Variants in GTF3C1 observed in about 807,000 individuals in gnomAD.
GTF3C1 encodes the protein general transcription factor IIIC subunit 1, also known as general transcription factor 3C polypeptide 1.
A neutral mutation model predicts 226.7 loss-of-function variants in GTF3C1; 57 were observed. The observed-to-expected ratio is 0.25, with a 90% CI of 0.20 to 0.31. GTF3C1 has a LOEUF of 0.31. Ranked by LOEUF, GTF3C1 falls within the 10% of genes least tolerant of loss-of-function variation. GTF3C1 has a pLI of 1.00. For missense variants in GTF3C1, 2,217 were observed against 2,776.1 expected (o/e 0.80, Z 4.53); for synonymous variants, 1,090 against 1,084.8 (o/e 1.00, Z -0.09).
Position 27,465,807 on chromosome 16 carries a change from A to G in GTF3C1, c.5075-267T>C, listed in dbSNP as rs541228347. ...ACTGTGATTCTCCTGCTCAAGATGT[A>G]AAGTGAAGGGCACAGAGGCCGAGGA... On this transcript the variant is annotated intron_variant, in intron 32 of 36. Transcript: ENST00000356183. 35 of 504,512 alleles carry G rather than the reference A, an allele frequency of 6.9e-5. No individual in the cohort carries two copies. In the South Asian group the frequency reaches 8.0e-4, roughly 12 times the overall value. The allele number at this position is 504,512 out of a possible 1,614,324, so 31.3% of individuals were successfully genotyped here.
Position 27,492,667 on chromosome 16 carries a change from T to G in GTF3C1, c.2923A>C (p.Met975Leu). Reference sequence around the variant, plus strand: ...GTGGGACCAAACTGTAGCAGCCCCATGTAGCACAGCCTCTGAAGGTTCTCC... The same window carrying G: ...GTGGGACCAAACTGTAGCAGCCCCAGGTAGCACAGCCTCTGAAGGTTCTCC... The part of the protein sequence containing the change: ...VVENLQRLCY[M>L]GLLQFGPTEK... The change falls in exon 18 of 37, where the codon ATG (methionine) becomes CTG (leucine). Residue 975 changes from methionine (M) to leucine (L), a missense_variant. Met to Leu is a conservative substitution (Grantham distance 15, BLOSUM62 2). This residue lies in a region of GTF3C1 where 353 missense variants were observed against 411.7 expected (regional missense o/e 0.86). Transcript: ENST00000356183. The surrounding 1 kb of genome is among the most constrained non-coding windows in gnomAD (Gnocchi z 5.0). 1 of 1,607,694 alleles carries G rather than the reference T, an allele frequency of 6.2e-7. No homozygotes were observed.
intron 7 of GTF3C1, among the ~76,000 whole-genome samples, chr16:27,510,107 C>G (rs897173315): frequency 6.6e-6 from 1 of 152,022 alleles, no homozygotes; most frequent in Admixed American, 6.6e-5. Context: ...AAAATTAGTC[C>G]GGACGCTGTG....
In GTF3C1 at chr16:27,469,370, G is replaced by A. The variant is rs761093518; in HGVS notation, c.4995C>T (p.Asn1665=). The change falls in exon 32 of 37, where the codon AAC becomes AAT. Residue 1665 remains asparagine, a synonymous_variant. Coordinates refer to ENST00000356183, the MANE Select transcript of GTF3C1 (RefSeq NM_001520.4). This position sits in a 1 kb window ranked among gnomAD's most constrained non-coding sequence, Gnocchi z 4.5. ...GIVSTRNLNP[N]DSIVVNSCQM... Reference sequence around the variant, plus strand: ...GGCAGGAGTTGACCACAATGCTGTCGTTGGGGTTGAGGTTGCGGGTGCTGA... The same window carrying A: ...GGCAGGAGTTGACCACAATGCTGTCATTGGGGTTGAGGTTGCGGGTGCTGA... 1.2e-5 allele frequency: 20 copies of A among 1,610,830 alleles called. No homozygotes were observed. The highest frequency in any genetic ancestry group is 8.0e-5 in the African/African-American group (6 of 74,920).
intron 6 of GTF3C1, among the ~76,000 whole-genome samples, chr16:27,519,411 G>C (rs541662086): frequency 6.6e-6 from 1 of 152,268 alleles, no homozygotes; most frequent in South Asian, 2.1e-4. Context: ...GAGGGAGGGA[G>C]GCCTGGAAGG....
At chr16:27,498,122 T>C (rs2141389465) in intron 13 of GTF3C1, among the ~76,000 whole-genome samples, 2 of 152,324 alleles carry the variant, frequency 1.3e-5, no homozygotes, top group South Asian at 4.1e-4. Context: ...AGTAATTATA[T>C]GAGAAATTAA....
At position 27,489,884 on chromosome 16, in the gene GTF3C1, G is replaced by A. The variant is rs931941118; in HGVS notation, c.3152-141C>T. ...CGGCCACTGCGGGGGTCTGAGATTG[G>A]TAAGACCTCTTCGTACAAAATATCC... On this transcript the variant is annotated intron_variant, in intron 19 of 36. Coordinates refer to ENST00000356183, the MANE Select transcript of GTF3C1 (RefSeq NM_001520.4). The A allele has an allele frequency of 2.6e-5, 19 of 728,568 alleles. 1 individual carries two copies. Among genetic ancestry groups the A allele is most frequent in the Non-Finnish European group, 4.1e-5 (18 of 444,132 alleles). The allele number at this position is 728,568 out of a possible 1,614,324, so 45.1% of individuals were successfully genotyped here.
intron 7 of GTF3C1, among the ~76,000 whole-genome samples, chr16:27,508,880 G>A (rs2088528768): frequency 6.6e-6 from 1 of 152,170 alleles, no homozygotes; most frequent in Admixed American, 6.5e-5. Flanking sequence ...ATGTTTGAAT[G>A]CTTACTATCT....
At chr16:27,524,149 G>A (rs1176937180) in intron 6 of GTF3C1, among the ~76,000 whole-genome samples, 1 of 152,218 alleles carries the variant, frequency 6.6e-6, no homozygotes. Context: ...CTATACAGTG[G>A]GAAGCGGGTG....
intron 7 of GTF3C1, 136 bp from the exon 8 acceptor site, chr16:27,508,791 C>T: frequency 1.6e-6 from 1 of 641,966 alleles, no homozygotes; most frequent in Non-Finnish European, 2.8e-6. Context: ...CGCCATTTCT[C>T]TCCCTTATCC....
At chr16:27,472,918 T>A (rs746810696) in intron 29 of GTF3C1, among the ~76,000 whole-genome samples, 5 of 152,216 alleles carry the variant, frequency 3.3e-5, no homozygotes, top group Non-Finnish European at 7.3e-5. Flanking sequence ...GAACACAGAT[T>A]CAACTCCTTT....
Position 27,486,144 on chromosome 16 carries a change from T to C in GTF3C1, c.3711A>G (p.Pro1237=). Residue 1237 remains proline, a synonymous_variant, in exon 24 of 37, where the codon CCA becomes CCG. Transcript: ENST00000356183. ...AGCGCAGCCTTTTGCTTTTTTCTCC[T>C]GGGAACTCTCCTAAAAACACCAGAG... The part of the protein sequence containing the change: ...KIKRKKKGEF[P]GEKSKRLRYH... The C allele has an allele frequency of 6.3e-7, 1 of 1,599,040 alleles. No homozygotes were observed.
In GTF3C1 at chr16:27,492,734, G is replaced by C; in HGVS notation, c.2877-21C>G. 2.2e-6 allele frequency: 3 copies of C among 1,362,468 alleles called. No homozygotes were observed. Among genetic ancestry groups the C allele is most frequent in the South Asian group, 1.2e-5 (1 of 86,184 alleles). The allele number at this position is 1,362,468 out of a possible 1,614,324, so 84.4% of individuals were successfully genotyped here. A position where few individuals can be genotyped will look rare whatever the true frequency, so the allele number is the denominator to read the frequency against. The stretch of plus-strand genomic sequence containing the variant: ...AACGCCTAGAAAACAGAGGGGGCGG[G>C]AGGTTCTCATCACACCACACTCGCA... On this transcript the variant is annotated intron_variant, in intron 17 of 36. Coordinates refer to ENST00000356183, the MANE Select transcript of GTF3C1 (RefSeq NM_001520.4). The surrounding 1 kb of genome is among the most constrained non-coding windows in gnomAD (Gnocchi z 5.0).
intron 6 of GTF3C1, among the ~76,000 whole-genome samples, chr16:27,523,897 A>T (rs1344612048): frequency 6.6e-6 from 1 of 152,162 alleles, no homozygotes; most frequent in African/African-American, 2.4e-5. Flanking sequence ...TTGTGCATGC[A>T]TGTGACAATC....
intron 7 of GTF3C1, among the ~76,000 whole-genome samples, chr16:27,509,086 T>C (rs969243686): frequency 1.3e-5 from 2 of 152,248 alleles, no homozygotes; most frequent in Non-Finnish European, 2.9e-5. Flanking sequence ...ATGTGTATTC[T>C]TCATTTCCCA....
intron 5 of GTF3C1, among the ~76,000 whole-genome samples, chr16:27,532,827 C>A (rs570604868): frequency 1.3e-5 from 2 of 152,278 alleles, no homozygotes; most frequent in East Asian, 3.9e-4. Context: ...AAATGAAGGA[C>A]AAAGCACTCT....
At chr16:27,528,567 C>T (rs1364257095) in intron 6 of GTF3C1, 31 bp downstream of exon 6, 11 of 1,582,656 alleles carry the variant, frequency 7.0e-6, no homozygotes, top group Non-Finnish European at 8.7e-6. Flanking sequence ...GCCAGCCAGC[C>T]AAGGGAACAG....
At position 27,506,088 on chromosome 16, in the gene GTF3C1, T is replaced by C; in HGVS notation, c.1581A>G (p.Pro527=). ...KGGWKVVNLH[P]LKKQPPSFPG... The stretch of plus-strand genomic sequence containing the variant: ...GGAAGGAGGGCGGCTGCTTTTTCAA[T>C]GGGTGTAGGTTTACAACTTTCCACC... The change falls in exon 10 of 37, where the codon CCA becomes CCG. Residue 527 remains proline (P), a synonymous_variant. Transcript: ENST00000356183. The C allele has an allele frequency of 6.2e-7, 1 of 1,612,432 alleles. No homozygotes were observed. The highest frequency in any genetic ancestry group is 8.5e-7 in the Non-Finnish European group (1 of 1,178,502).
At chr16:27,506,648 T>C (rs916320232) in intron 9 of GTF3C1, among the ~76,000 whole-genome samples, 199 bp downstream of exon 9, 2 of 152,052 alleles carry the variant, frequency 1.3e-5, no homozygotes. Flanking sequence ...CACGAAGAAA[T>C]GATTTGCAAG....
At position 27,489,602 on chromosome 16, in the gene GTF3C1, G is replaced by A. The variant is rs748587405; in HGVS notation, c.3293C>T (p.Thr1098Ile). ...GGCCGCGCTTGGGACGGACACGCACGTGGTGTACTCCAGCATGGCGCACTT... is the reference window on the plus strand; with the variant it reads ...GGCCGCGCTTGGGACGGACACGCACATGGTGTACTCCAGCATGGCGCACTT... ...ERKCAMLEYT[T>I]GSREVVDEGL... The change falls in exon 20 of 37, where the codon ACT (threonine) becomes ATT (isoleucine). Residue 1098 changes from threonine (T) to isoleucine (I), a missense_variant and splice_region_variant. Thr to Ile is a moderately conservative substitution (Grantham distance 89). Transcript: ENST00000356183. 1.4e-5 allele frequency: 23 copies of A among 1,605,326 alleles called. No homozygotes were observed. Among genetic ancestry groups the A allele is most frequent in the East Asian group, 4.5e-5 (2 of 44,834 alleles).
Sources: allele counts gnomAD v4.1 joint callset (sites outside exome capture counted in the v4.1 genomes callset), GRCh38; gene constraint gnomAD v4.1.1; regional missense constraint gnomAD v4.1.1; non-coding constraint Gnocchi (gnomAD v3.1); transcripts MANE v1.5; gene names NCBI Gene and HGNC (gene_info 2026-07-23, HGNC 2026-07-21).